Variants in ZNF280A observed in about 807,000 individuals in gnomAD.
ZNF280A encodes the protein suppressor of hairy wing homolog 1.
ZNF280A carries 26 observed loss-of-function variants against 35.9 expected under a neutral mutation model. The ratio of observed to expected loss-of-function variants is 0.72; its 90% CI spans 0.53 to 1.01. ZNF280A has a LOEUF of 1.01. ZNF280A is among the 50% of genes least tolerant of loss of function. The pLI is 0.00. For synonymous variants in ZNF280A, 231 were observed against 232.9 expected, an observed-to-expected ratio of 0.99 and a Z score of 0.07; for missense variants, 654 against 652.0, an observed-to-expected ratio of 1.00 and a Z score of -0.03.
Position 22,515,691 on chromosome 22 carries a change from C to T in ZNF280A, c.-61G>A. On this transcript the variant is annotated 5_prime_UTR_variant, in exon 2 of 2. Coordinates refer to ENST00000302097, the MANE Select transcript of ZNF280A (RefSeq NM_080740.5). ...TTCAACTTCCAGAGCTGTCTTTTTACAAATTGCCACCTAAGTGCAACCATG... is the reference window on the plus strand; with the variant it reads ...TTCAACTTCCAGAGCTGTCTTTTTATAAATTGCCACCTAAGTGCAACCATG... 2.0e-6 allele frequency: 3 copies of T among 1,517,658 alleles called. No homozygotes were observed. The highest frequency in any genetic ancestry group is 2.3e-5 in the Admixed American group (1 of 42,916). The allele number at this position is 1,517,658 out of a possible 1,614,324, so 94.0% of individuals were successfully genotyped here.
intron 1 of ZNF280A, among the ~76,000 whole-genome samples, chr22:22,519,382 G>A (rs971247794): frequency 1.3e-5 from 2 of 151,824 alleles, no homozygotes; most frequent in Non-Finnish European, 2.9e-5. Context: ...GCAGTGAGCC[G>A]AGATCGCACC....
chr22:22,516,986 C>T (rs930985623), intron 1 of ZNF280A, among the ~76,000 whole-genome samples: 4 of 151,936 alleles, frequency 2.6e-5, no homozygotes, highest in African/African-American at 9.7e-5. Flanking sequence ...GCATTTATCA[C>T]TGCCTACCAC....
At chr22:22,518,528 T>A (rs2062101199) in intron 1 of ZNF280A, among the ~76,000 whole-genome samples, 1 of 151,776 alleles carries the variant, frequency 6.6e-6, no homozygotes, top group African/African-American at 2.4e-5. Context: ...GGCTCACGCC[T>A]GTAATCCCAG....
In ZNF280A at chr22:22,515,646, T is replaced by C. The variant is rs1010099850; in HGVS notation, c.-16A>G. The C allele has an allele frequency of 4.5e-6, 7 of 1,560,714 alleles. No individual in the cohort carries two copies. Among genetic ancestry groups the C allele is most frequent in the Admixed American group, 3.9e-5 (2 of 50,656 alleles). On this transcript the variant is annotated 5_prime_UTR_variant, in exon 2 of 2. Coordinates refer to ENST00000302097, the MANE Select transcript of ZNF280A (RefSeq NM_080740.5). Reference sequence around the variant, plus strand: ...TATCTCCCATTTTCAATTTACTTTTTGCTTGAAGCCACTGGTCTCTTCAAC... The same window carrying C: ...TATCTCCCATTTTCAATTTACTTTTCGCTTGAAGCCACTGGTCTCTTCAAC...
rs768319380 is a variant in ZNF280A at position 22,514,674 on chromosome 22, A to G, written c.957T>C (p.His319=). 1.1e-5 allele frequency: 18 copies of G among 1,613,846 alleles called. No individual in the cohort carries two copies. The highest frequency in any genetic ancestry group is 3.3e-5 in the Admixed American group (2 of 59,962). ...CGTTCCTCTGCTTCTCAAATTCCAAATGATGCTTCATGTGATTCATAAACT... is the reference window on the plus strand; with the variant it reads ...CGTTCCTCTGCTTCTCAAATTCCAAGTGATGCTTCATGTGATTCATAAACT... ...NIKFMNHMKH[H]LEFEKQRNDS... is the part of the protein sequence containing the mutation. Residue 319 remains histidine (H), a synonymous_variant, in exon 2 of 2, where the codon CAT becomes CAC. Coordinates refer to ENST00000302097, the MANE Select transcript of ZNF280A (RefSeq NM_080740.5).
In ZNF280A at chr22:22,515,591, T is replaced by C. The variant is rs761633408; in HGVS notation, c.40A>G (p.Lys14Glu). The change falls in exon 2 of 2, where the codon AAG (lysine) becomes GAG (glutamate). Residue 14 changes from lysine (K) to glutamate (E), a missense_variant. Transcript: ENST00000302097. ...TGTTTGGATTCTCTCAAATTCTTCT[T>C]TGGTGATTCCACTTTCTTACACAAA... ...IFLCKKVESPKKNLRESKQRE... is the reference protein window; with the variant it reads ...IFLCKKVESPEKNLRESKQRE... 21 of 1,604,398 alleles carry C rather than the reference T, an allele frequency of 1.3e-5. No homozygotes were observed. The highest frequency in any genetic ancestry group is 3.3e-4 in the Middle Eastern group (2 of 5,996).
rs764569296 is a variant in ZNF280A, at chr22:22,515,234, C to A, written c.397G>T (p.Val133Phe). The part of the protein sequence containing the change: ...PGYKMSSPQV[V>F]SPSSSDSLPP... ...AGCGAGTCTGAGGAACTGGGAGAAA[C>A]AACTTGTGGTGAGCTCATTTTATAA... Residue 133 changes from valine to phenylalanine, a missense_variant, in exon 2 of 2, where the codon GTT becomes TTT. Val to Phe is a conservative substitution (Grantham distance 50). Coordinates refer to ENST00000302097, the MANE Select transcript of ZNF280A (RefSeq NM_080740.5). 2 of 1,613,836 alleles carry A rather than the reference C, an allele frequency of 1.2e-6. No homozygotes were observed. Among genetic ancestry groups the A allele is most frequent in the Non-Finnish European group, 1.7e-6 (2 of 1,179,950 alleles).
At position 22,515,319 on chromosome 22, in the gene ZNF280A, A is replaced by G. The variant is rs1391072260; in HGVS notation, c.312T>C (p.Ser104=). The change falls in exon 2 of 2, where the codon TCT becomes TCC. Residue 104 remains serine (S), a synonymous_variant. Coordinates refer to ENST00000302097, the MANE Select transcript of ZNF280A (RefSeq NM_080740.5). ...TSMAKAIMPV[S]LSEGRSTDSP... ...TATCTGTCGATCGCCCCTCAGACAG[A>G]GAAACCGGCATGATGGCTTTTGCCA... 6.2e-7 allele frequency: 1 copy of G among 1,613,892 alleles called. No homozygotes were observed. The highest frequency in any genetic ancestry group is 1.7e-5 in the Admixed American group (1 of 59,980).
intron 1 of ZNF280A, 141 bp from the exon 2 acceptor site, chr22:22,515,842 A>T: frequency 1.3e-6 from 1 of 795,744 alleles, no homozygotes; most frequent in Non-Finnish European, 1.8e-6. Context: ...AACATTTTAA[A>T]TGGCATAATA....
At chr22:22,519,622 G>C (rs362161) in intron 1 of ZNF280A, among the ~76,000 whole-genome samples, 55,316 of 151,460 alleles carry the variant, frequency 0.37, 12,225 homozygotes, top group African/African-American at 0.62. Context: ...TGGCATATTT[G>C]AATCGCCAGC....
At chr22:22,518,858 C>A (rs181517807) in intron 1 of ZNF280A, among the ~76,000 whole-genome samples, 1 of 151,398 alleles carries the variant, frequency 6.6e-6, no homozygotes, top group Admixed American at 6.6e-5. Context: ...TCAGTGTTCA[C>A]CATAAAGTGT....
intron 1 of ZNF280A, among the ~76,000 whole-genome samples, chr22:22,517,159 C>T (rs1033615676): frequency 2.6e-5 from 4 of 151,986 alleles, no homozygotes; most frequent in African/African-American, 7.2e-5. Flanking sequence ...GTAATCCCAA[C>T]ACTTTGTAAG....
chr22:22,515,825 G>A (rs1204846076), intron 1 of ZNF280A, 124 bp from the exon 2 acceptor site: 2 of 841,186 alleles, frequency 2.4e-6, no homozygotes, highest in African/African-American at 1.8e-5. Context: ...TCAGAAATGA[G>A]GCTTGAAACA....
rs1331630250 is a variant in ZNF280A, at chr22:22,514,884, G to A, written c.747C>T (p.Ala249=). ...LTDPERASES[A]LAMTDISSLA... is the part of the protein sequence containing the mutation. ...GACTTGAAATGTCTGTCATTGCCAG[G>A]GCAGACTCACTTGCTCTCTCTGGAT... Residue 249 remains alanine (A), a synonymous_variant, in exon 2 of 2, where the codon GCC becomes GCT. Coordinates refer to ENST00000302097, the MANE Select transcript of ZNF280A (RefSeq NM_080740.5). 1 of 1,613,684 alleles carries A rather than the reference G, an allele frequency of 6.2e-7. No individual in the cohort carries two copies. The highest frequency in any genetic ancestry group is 1.7e-5 in the Admixed American group (1 of 59,968).
intron 1 of ZNF280A, among the ~76,000 whole-genome samples, chr22:22,516,070 TCCTAGCCTGGGCAACATAGCA>T (rs1309785688): frequency 3.3e-5 from 5 of 151,584 alleles, no homozygotes; most frequent in African/African-American, 1.2e-4. Flanking sequence ...AACATTCTGC[TCCTAGCCTGGGCAACATAGCA>T]AGACCCCATC....
chr22:22,515,058 A>G lies in ZNF280A; in HGVS notation c.573T>C (p.Pro191=). ...TATCTGAAGGGACCACAGCTAAAGA[A>G]GGTACCCCTGGGATTCCATCCCTGA... The part of the protein sequence containing the change: ...VKLRDGIPGV[P]SLAVVPSDMS... Residue 191 remains proline, a synonymous_variant, in exon 2 of 2, where the codon CCT becomes CCC. Transcript: ENST00000302097. The G allele has an allele frequency of 6.2e-7, 1 of 1,613,914 alleles. No homozygotes were observed. Among genetic ancestry groups the G allele is most frequent in the Non-Finnish European group, 8.5e-7 (1 of 1,179,974 alleles).
In ZNF280A at chr22:22,515,181, T is replaced by C; in HGVS notation, c.450A>G (p.Gly150=). 1 of 1,613,870 alleles carries C rather than the reference T, an allele frequency of 6.2e-7. No individual in the cohort carries two copies. The highest frequency in any genetic ancestry group is 8.5e-7 in the Non-Finnish European group (1 of 1,179,948). ...TTCTGCCTCCTCCAGAGACCATAGC[T>C]CCAACTAGACACTGAGTCCCTGGGG... The part of the protein sequence containing the change: ...SLPPGTQCLV[G]AMVSGGGRNE... Residue 150 remains glycine (G), a synonymous_variant, in exon 2 of 2, where the codon GGA becomes GGG. Transcript: ENST00000302097.
chr22:22,514,246 G>A lies in ZNF280A; in HGVS notation c.1385C>T (p.Thr462Met), dbSNP rs201466267. Reference protein sequence around the residue: ...QCSKCRLQFLTLKEEIEHKTK... With the variant: ...QCSKCRLQFLMLKEEIEHKTK... The stretch of plus-strand genomic sequence containing the variant: ...TTTGTGCTCTATTTCCTCCTTCAAC[G>A]TCAAAAACTGTAGCCGGCACTTGGA... The change falls in exon 2 of 2, where the codon ACG becomes ATG. Residue 462 changes from threonine to methionine, a missense_variant. Thr to Met is a moderately conservative substitution (Grantham distance 81). Transcript: ENST00000302097. 166 of 1,613,776 alleles carry A rather than the reference G, an allele frequency of 1.0e-4. No homozygotes were observed. The highest frequency in any genetic ancestry group is 2.1e-4 in the South Asian group (19 of 91,060).
intron 1 of ZNF280A, among the ~76,000 whole-genome samples, chr22:22,519,339 A>G (rs902945234): frequency 3.3e-5 from 5 of 151,992 alleles, no homozygotes; most frequent in Admixed American, 2.6e-4. Flanking sequence ...AGGCTGAGGC[A>G]GGAGAATCAC....
Sources: gnomAD v4.1 joint callset for allele counts (sites outside exome capture counted in the v4.1 genomes callset) on GRCh38, gnomAD v4.1.1 for gene constraint, MANE v1.5 for transcripts, NCBI Gene and HGNC (gene_info 2026-07-23, HGNC 2026-07-21) for gene names.